The following MRPL16 variants were observed in gnomAD, a reference collection of about 807,000 sequenced individuals.
The protein encoded by MRPL16 is mitochondrial ribosomal protein L16.
In MRPL16, 17 loss-of-function variants were observed where a neutral mutation model predicts 22.7. The ratio of observed to expected loss-of-function variants is 0.75; its 90% CI spans 0.51 to 1.12. The LOEUF (loss-of-function observed/expected upper bound fraction) is 1.12, where lower values mean the gene tolerates loss of function less well. Ranked by LOEUF, MRPL16 falls within the 50% of genes most tolerant of loss-of-function variation. MRPL16 has a pLI of 0.00. For synonymous variants in MRPL16, 103 were observed against 112.8 expected, an observed-to-expected ratio of 0.91 and a Z score of 0.55; for missense variants, 316 against 328.7, an observed-to-expected ratio of 0.96 and a Z score of 0.30.
intron 1 of MRPL16, chr11:59,810,400 G>C: frequency 7.1e-7 from 1 of 1,403,178 alleles, no homozygotes; most frequent in Non-Finnish European, 9.3e-7. Flanking sequence ...GGCCAGCCGG[G>C]ATCTCTGGGC....
chr11:59,810,520 G>A, intron 1 of MRPL16, 84 bp downstream of exon 1: 1 of 1,588,734 alleles, frequency 6.3e-7, no homozygotes, highest in Non-Finnish European at 8.6e-7. Context: ...ATGCAGAGCC[G>A]CCTTTTGGGT....
rs989409597 is a variant in MRPL16, at chr11:59,807,766, A to C, written c.205T>G (p.Leu69Val). ...VPKVRREPKN[L>V]SDIRGPSTEA... ...GTGGAAGGTCCCCGTATGTCACTTA[A>C]ATTTTTAGGTTCTCTTCTTACTTTT... Residue 69 changes from leucine (L) to valine (V), a missense_variant, in exon 3 of 4, where the codon TTA becomes GTA. Coordinates refer to ENST00000300151, the MANE Select transcript of MRPL16 (RefSeq NM_017840.4). 2.5e-6 allele frequency: 4 copies of C among 1,613,708 alleles called. No individual in the cohort carries two copies. The highest frequency in any genetic ancestry group is 3.4e-6 in the Non-Finnish European group (4 of 1,179,868).
intron 3 of MRPL16, chr11:59,807,365 A>G (rs1463105207): frequency 5.2e-6 from 1 of 194,082 alleles, no homozygotes; most frequent in Non-Finnish European, 1.0e-5. Context: ...AAGCTACTCA[A>G]CAAGTAAGGA....
rs1474108141 is a variant in MRPL16 at position 59,807,841 on chromosome 11, T to G, written c.130A>C (p.Ile44Leu). The stretch of plus-strand genomic sequence containing the variant: ...AATCTAAGCTTGGGTTTTTCAGGAA[T>G]GGAAACATCTAAAAGAAGCACAGAC... ...LPVPSFEDVS[I>L]PEKPKLRFIE... The change falls in exon 3 of 4, where the codon ATT becomes CTT. Residue 44 changes from isoleucine (I) to leucine (L), a missense_variant. By Grantham distance (5) the Ile-to-Leu change is conservative. Coordinates refer to ENST00000300151, the MANE Select transcript of MRPL16 (RefSeq NM_017840.4). 14 of 1,607,010 alleles carry G rather than the reference T, an allele frequency of 8.7e-6. No individual in the cohort carries two copies. The highest frequency in any genetic ancestry group is 2.5e-6 in the Non-Finnish European group (3 of 1,177,564).
rs1866167196 is a variant in MRPL16 at position 59,810,765 on chromosome 11, C to T, written c.-107G>A. On this transcript the variant is annotated 5_prime_UTR_variant, in exon 1 of 4. The change creates a new upstream start codon in the 5' untranslated region. Transcript: ENST00000300151. ...ACCTAGCTGTAATCGGCTCAGGACACCGCTCAGTGGGGCCGGAAGTTGTGT... is the reference window on the plus strand; with the variant it reads ...ACCTAGCTGTAATCGGCTCAGGACATCGCTCAGTGGGGCCGGAAGTTGTGT... 1.6e-6 allele frequency: 2 copies of T among 1,265,734 alleles called. No homozygotes were observed. Among genetic ancestry groups the T allele is most frequent in the Non-Finnish European group, 2.3e-6 (2 of 885,022 alleles). 78.4% of individuals were successfully genotyped at this position (1,265,734 alleles called of 1,614,324 possible). A position where few individuals can be genotyped will look rare whatever the true frequency, so the allele number is the denominator to read the frequency against.
Position 59,806,151 on chromosome 11 carries a change from T to C in MRPL16, c.*196A>G, listed in dbSNP as rs562361896. The C allele has an allele frequency of 2.1e-4, 119 of 576,736 alleles. 1 individual carries two copies. The Middle Eastern group carries it at 4.3e-3, about 21-fold the overall frequency. 35.7% of individuals were successfully genotyped at this position (576,736 alleles called of 1,614,324 possible). ...AATGAGAAGTTATATCCTGAAGTGA[T>C]GTTTAAATTTTATTTAATAAAAATA... On this transcript the variant is annotated 3_prime_UTR_variant, in exon 4 of 4. Coordinates refer to ENST00000300151, the MANE Select transcript of MRPL16 (RefSeq NM_017840.4).
In MRPL16 at chr11:59,809,783, A is replaced by G. The variant is rs555264344; in HGVS notation, c.121+72T>C. 4.5e-6 allele frequency: 6 copies of G among 1,329,410 alleles called. No individual in the cohort carries two copies. The African/African-American group carries it at 7.3e-5, about 16-fold the overall frequency. The allele number at this position is 1,329,410 out of a possible 1,614,324, so 82.4% of individuals were successfully genotyped here. Reference sequence around the variant, plus strand: ...GGATGGGAAACACGAGAACATTCCTATGTCATCTCCCACCCGCTCCTGGTT... The same window carrying G: ...GGATGGGAAACACGAGAACATTCCTGTGTCATCTCCCACCCGCTCCTGGTT... On this transcript the variant is annotated intron_variant, in intron 2 of 3. Transcript: ENST00000300151.
intron 3 of MRPL16, chr11:59,807,344 A>G (rs1866118123): frequency 5.4e-6 from 1 of 185,264 alleles, no homozygotes; most frequent in East Asian, 1.4e-4. Context: ...GCTGACATCA[A>G]GTCTTCATGG....
intron 3 of MRPL16, 152 bp downstream of exon 3, chr11:59,807,549 C>T (rs1866124089): frequency 1.5e-6 from 1 of 670,088 alleles, no homozygotes; most frequent in Non-Finnish European, 2.3e-6. Flanking sequence ...TTACTGGGTA[C>T]CCAGTAGCCT....
chr11:59,808,460 C>T (rs1866135710), intron 2 of MRPL16, among the ~76,000 whole-genome samples: 1 of 152,174 alleles, frequency 6.6e-6, no homozygotes, highest in Admixed American at 6.5e-5. Flanking sequence ...CACATGAACA[C>T]ACACCACTAT....
At position 59,807,852 on chromosome 11, in the gene MRPL16, A is replaced by G. The variant is rs1158112216; in HGVS notation, c.122-3T>C. On this transcript the variant is annotated splice_region_variant and splice_polypyrimidine_tract_variant and intron_variant, in intron 2 of 3. Transcript: ENST00000300151. ...GGGTTTTTCAGGAATGGAAACATCT[A>G]AAAGAAGCACAGACAACCAGGATAA... The G allele has an allele frequency of 6.2e-7, 1 of 1,603,070 alleles. No individual in the cohort carries two copies. The highest frequency in any genetic ancestry group is 8.5e-7 in the Non-Finnish European group (1 of 1,175,678).
chr11:59,810,462 G>T, intron 1 of MRPL16, 142 bp downstream of exon 1: 1 of 1,491,498 alleles, frequency 6.7e-7, no homozygotes, highest in Middle Eastern at 1.9e-4. Flanking sequence ...CTACGGTGGA[G>T]GTCGGCGGTG....
rs768034474 is a variant in MRPL16, at chr11:59,806,628, G to A, written c.475C>T (p.Leu159Phe). Residue 159 changes from leucine to phenylalanine, a missense_variant, in exon 4 of 4, where the codon CTT (leucine) becomes TTT (phenylalanine). Leu to Phe is a conservative substitution (Grantham distance 22). Coordinates refer to ENST00000300151, the MANE Select transcript of MRPL16 (RefSeq NM_017840.4). Reference protein sequence around the residue: ...HYVTPVKAGRLVVEMGGRCEF... With the variant: ...HYVTPVKAGRFVVEMGGRCEF... ...CAACGCCCACCCATCTCTACAACAAGGCGGCCAGCCTTCACAGGTGTCACG... is the reference window on the plus strand; with the variant it reads ...CAACGCCCACCCATCTCTACAACAAAGCGGCCAGCCTTCACAGGTGTCACG... The A allele has an allele frequency of 6.2e-7, 1 of 1,614,206 alleles. No individual in the cohort carries two copies. The highest frequency in any genetic ancestry group is 2.2e-5 in the East Asian group (1 of 44,884).
At chr11:59,810,119 C>T in intron 1 of MRPL16, 199 bp from the exon 2 acceptor site, 1 of 628,166 alleles carries the variant, frequency 1.6e-6, no homozygotes, top group Non-Finnish European at 2.5e-6. Flanking sequence ...GATTCTCCTG[C>T]CTCAGCCTCC....
At chr11:59,808,599 T>TA (rs1284863351) in intron 2 of MRPL16, 12 of 152,344 alleles carry the variant, frequency 7.9e-5, no homozygotes, top group African/African-American at 2.4e-4. Context: ...CAAAGCTACA[T>TA]ACCATGTCAC....
Position 59,806,179 on chromosome 11 carries a change from G to T in MRPL16, c.*168C>A. 1.4e-6 allele frequency: 1 copy of T among 707,256 alleles called. No homozygotes were observed. Among genetic ancestry groups the T allele is most frequent in the Non-Finnish European group, 2.3e-6 (1 of 441,146 alleles). The allele number at this position is 707,256 out of a possible 1,614,324, so 43.8% of individuals were successfully genotyped here. A position where few individuals can be genotyped will look rare whatever the true frequency, so the allele number is the denominator to read the frequency against. Reference sequence around the variant, plus strand: ...TTAAATTTTATTTAATAAAAATACAGTTTTCTTTTTAAATCAACAAATAAC... The same window carrying T: ...TTAAATTTTATTTAATAAAAATACATTTTTCTTTTTAAATCAACAAATAAC... On this transcript the variant is annotated 3_prime_UTR_variant, in exon 4 of 4. Transcript: ENST00000300151.
rs762531316 is a variant in MRPL16 at position 59,806,498 on chromosome 11, TG to T, written c.604del (p.Gln202LysfsTer17). ...CTGGTTGTTACGTTCTCTTTCCTCT[TG>T]ATCTTTTCGCATCTTCTCTAGAGTC... ...RGTLEKMRKD[Q>X]EERERNNQNP... On this transcript the variant is annotated frameshift_variant, in exon 4 of 4. Transcript: ENST00000300151. LOFTEE classifies it high-confidence loss of function. 2 of 1,614,254 alleles carry T rather than the reference TG, an allele frequency of 1.2e-6. No individual in the cohort carries two copies. Among genetic ancestry groups the T allele is most frequent in the East Asian group, 4.5e-5 (2 of 44,888 alleles).
In MRPL16 at chr11:59,810,685, C is replaced by T. The variant is rs752902975; in HGVS notation, c.-27G>A. 3 of 1,613,422 alleles carry T rather than the reference C, an allele frequency of 1.9e-6. No homozygotes were observed. Among genetic ancestry groups the T allele is most frequent in the Non-Finnish European group, 2.5e-6 (3 of 1,179,684 alleles). On this transcript the variant is annotated 5_prime_UTR_variant, in exon 1 of 4. Coordinates refer to ENST00000300151, the MANE Select transcript of MRPL16 (RefSeq NM_017840.4). ...GTCACGGGCGTCCGGCGGCGCGGAG[C>T]TCCCCCAGCGACTCCGGCTGTCTCC...
intron 3 of MRPL16, among the ~76,000 whole-genome samples, chr11:59,807,036 C>T (rs1381182641): frequency 6.6e-6 from 1 of 152,176 alleles, no homozygotes; most frequent in Non-Finnish European, 1.5e-5. Flanking sequence ...GCCAGGAAGG[C>T]TTCTTTGAAG....
Sources: allele counts gnomAD v4.1 joint callset (sites outside exome capture counted in the v4.1 genomes callset), GRCh38; gene constraint gnomAD v4.1.1; transcripts MANE v1.5; gene names NCBI Gene and HGNC (gene_info 2026-07-23, HGNC 2026-07-21).